Variants in PAM observed in about 807,000 individuals in gnomAD.
PAM encodes the protein peptidyl-glycine alpha-amidating monooxygenase.
A neutral mutation model predicts 122.1 loss-of-function variants in PAM; 72 were observed. The ratio of observed to expected loss-of-function variants is 0.59; its 90% confidence interval spans 0.49 to 0.72. The LOEUF is 0.72. Ranked by LOEUF, PAM falls within the 30% of genes least tolerant of loss-of-function variation. The pLI is 0.00. For synonymous variants in PAM, 389 were observed against 404.4 expected (o/e 0.96, Z 0.46); for missense variants, 1,106 against 1,183.7 (o/e 0.93, Z 0.96).
Position 102,991,403 on chromosome 5 carries a change from A to G in PAM, c.1613+1002A>G, listed in dbSNP as rs116195033. Among the ~76,000 whole-genome samples the G allele has an allele frequency of 6.3e-3, 957 of 152,214 alleles. 6 individuals are homozygous for G. Among genetic ancestry groups the G allele is most frequent in the African/African-American group, 0.022 (914 of 41,550 alleles). On this transcript the variant is annotated intron_variant, in intron 16 of 25. Coordinates refer to ENST00000438793, the MANE Select transcript of PAM (RefSeq NM_001177306.2). ...TTTCAATACAAATTTACATAGGGAGATAAATTTTAAGATTTTTTATCAATT... is the reference window on the plus strand; with the variant it reads ...TTTCAATACAAATTTACATAGGGAGGTAAATTTTAAGATTTTTTATCAATT...
At chr5:102,791,731 A>G (rs1188615103) in intron 1 of PAM, among the ~76,000 whole-genome samples, 2 of 152,288 alleles carry the variant, frequency 1.3e-5, no homozygotes, top group East Asian at 3.9e-4. Context: ...CAAGATAGGC[A>G]TACTGTAGTA....
intron 16 of PAM, among the ~76,000 whole-genome samples, chr5:103,001,679 T>C (rs1469090525): frequency 6.6e-6 from 1 of 152,082 alleles, no homozygotes; most frequent in Non-Finnish European, 1.5e-5. Context: ...AATTGTGTGG[T>C]GTATTTTTTA....
rs1785462483 is a variant in PAM at position 102,866,083 on chromosome 5, C to T, written c.-113C>T. ...GTGTGTGGCCGCCGCAGGACGCCCG[C>T]CGTGCCCGGGCCATGAAGTAGCGGC... is the stretch of plus-strand genomic sequence containing the variant. On this transcript the variant is annotated 5_prime_UTR_variant, in exon 2 of 26. Coordinates refer to ENST00000438793, the MANE Select transcript of PAM (RefSeq NM_001177306.2). The T allele has an allele frequency of 1.7e-6, 1 of 589,844 alleles. No homozygotes were observed. Among genetic ancestry groups the T allele is most frequent in the Non-Finnish European group, 2.8e-6 (1 of 352,378 alleles). 36.5% of individuals were successfully genotyped at this position (589,844 alleles called of 1,614,324 possible).
rs374472103 is a variant in PAM, at chr5:102,986,789, A to G, written c.1484-3483A>G. On this transcript the variant is annotated intron_variant, in intron 15 of 25. Coordinates refer to ENST00000438793, the MANE Select transcript of PAM (RefSeq NM_001177306.2). ...GTTTCCCCCATACTGTTCTCGTGGT[A>G]GTGAATAAGTCTCACGAGATCTGAT... Among the ~76,000 whole-genome samples the G allele has an allele frequency of 3.9e-3, 596 of 152,222 alleles. 2 individuals carry two copies. The highest frequency in any genetic ancestry group is 0.013 in the African/African-American group (560 of 41,536).
intron 1 of PAM, among the ~76,000 whole-genome samples, chr5:102,817,949 G>A (rs897482782): frequency 1.4e-5 from 2 of 147,312 alleles, no homozygotes; most frequent in Non-Finnish European, 3.0e-5. Context: ...TGTCTGCAGG[G>A]CCTGTGCAGT....
intron 1 of PAM, among the ~76,000 whole-genome samples, chr5:102,782,739 G>A (rs953544719): frequency 1.3e-5 from 2 of 151,328 alleles, no homozygotes; most frequent in African/African-American, 4.9e-5. Flanking sequence ...GTGTGTGTGT[G>A]TGTGTGTGTG....
intron 1 of PAM, among the ~76,000 whole-genome samples, chr5:102,767,287 C>G (rs1480021958): frequency 6.6e-6 from 1 of 151,894 alleles, no homozygotes; most frequent in East Asian, 1.9e-4. Context: ...ACATTTTGAA[C>G]GGTTGATGTT....
In PAM at chr5:103,025,312, GAA is replaced by G; in HGVS notation, c.2672_2673del (p.Lys891IlefsTer8). 6.2e-7 allele frequency: 1 copy of G among 1,613,512 alleles called. No homozygotes were observed. The highest frequency in any genetic ancestry group is 8.5e-7 in the Non-Finnish European group (1 of 1,179,646). ...TGGCCATTGCCATATTTATTCGGTG[GAA>G]AAAATCAAGGGCCTTTGGAGGCAAG... The part of the protein sequence containing the change: ...LLAIAIFIRW[K>X]KSRAFGDSEH... On this transcript the variant is annotated frameshift_variant, in exon 24 of 26. Coordinates refer to ENST00000438793, the MANE Select transcript of PAM (RefSeq NM_001177306.2). LOFTEE classifies it high-confidence loss of function.
At chr5:102,865,031 T>C (rs1785137260) in intron 1 of PAM, among the ~76,000 whole-genome samples, 2 of 152,200 alleles carry the variant, frequency 1.3e-5, no homozygotes, top group South Asian at 4.1e-4. Context: ...ATAAAATTCA[T>C]TTGGGGGGCA....
intron 1 of PAM, among the ~76,000 whole-genome samples, chr5:102,848,970 A>G (rs1011432299): frequency 6.6e-6 from 1 of 152,210 alleles, no homozygotes; most frequent in Non-Finnish European, 1.5e-5. Context: ...ATGAGGGCAC[A>G]TCAATAAAAG....
chr5:103,024,857 A>C (rs1784514574), intron 23 of PAM, among the ~76,000 whole-genome samples: 1 of 152,206 alleles, frequency 6.6e-6, no homozygotes, highest in African/African-American at 2.4e-5. Context: ...AAAAATACAA[A>C]AGGATATATA....
At chr5:102,784,172 C>A (rs1473552738) in intron 1 of PAM, among the ~76,000 whole-genome samples, 1 of 151,734 alleles carries the variant, frequency 6.6e-6, no homozygotes, top group African/African-American at 2.4e-5. Flanking sequence ...GGATTACAGG[C>A]GTGAGCCACC....
intron 15 of PAM, among the ~76,000 whole-genome samples, chr5:102,985,338 A>C (rs1403818331): frequency 1.3e-5 from 2 of 152,068 alleles, no homozygotes; most frequent in Non-Finnish European, 2.9e-5. Flanking sequence ...CAAGAAAAAG[A>C]GGGAAGATTC....
intron 3 of PAM, chr5:102,896,055 G>A (rs1161371503): frequency 1.3e-5 from 2 of 151,652 alleles, no homozygotes; most frequent in African/African-American, 4.8e-5. Context: ...AGCCAAGGAG[G>A]TTTCCACCGC....
intron 21 of PAM, among the ~76,000 whole-genome samples, chr5:103,016,950 A>G (rs1246964691): frequency 1.3e-5 from 2 of 152,226 alleles, no homozygotes; most frequent in Middle Eastern, 3.2e-3. Flanking sequence ...AAAAAAGCAA[A>G]TTTGATAGTT....
intron 14 of PAM, among the ~76,000 whole-genome samples, chr5:102,972,114 C>A (rs1340853740): frequency 3.9e-5 from 6 of 152,056 alleles, no homozygotes; most frequent in African/African-American, 1.4e-4. Flanking sequence ...CTCTTACAAA[C>A]CTGAATGACT....
At chr5:102,936,333 G>A (rs1753242978) in intron 7 of PAM, among the ~76,000 whole-genome samples, 1 of 152,080 alleles carries the variant, frequency 6.6e-6, no homozygotes, top group Non-Finnish European at 1.5e-5. Flanking sequence ...AAATGATGGA[G>A]AGGATGTTGG....
intron 5 of PAM, among the ~76,000 whole-genome samples, chr5:102,915,868 C>T (rs987865289): frequency 3.3e-5 from 5 of 151,924 alleles, no homozygotes; most frequent in Non-Finnish European, 7.4e-5. Context: ...TCATTTTGGC[C>T]CCTTTAAAAT....
intron 1 of PAM, among the ~76,000 whole-genome samples, chr5:102,818,844 G>A (rs1770781979): frequency 1.3e-5 from 2 of 152,008 alleles, no homozygotes; most frequent in Admixed American, 1.3e-4. Context: ...CTTGATAAAT[G>A]CTTCTTGAAT....
Sources: allele counts gnomAD v4.1 joint callset (sites outside exome capture counted in the v4.1 genomes callset), GRCh38; gene constraint gnomAD v4.1.1; transcripts MANE v1.5; gene names NCBI Gene and HGNC (gene_info 2026-07-23, HGNC 2026-07-21).